Variants in JAZF1 observed in about 807,000 individuals in gnomAD.
JAZF1 encodes JAZF zinc finger 1, also known as juxtaposed with another zinc finger protein 1.
In JAZF1, 8 loss-of-function variants were observed where a neutral mutation model predicts 26.4. The ratio of observed to expected loss-of-function variants is 0.30; its 90% CI spans 0.18 to 0.55. The LOEUF (loss-of-function observed/expected upper bound fraction) is 0.55. Among genes scored for constraint, JAZF1 ranks in the 20% least tolerant of loss-of-function variants. The pLI is 0.94. For missense variants in JAZF1, 199 were observed against 322.0 expected, an observed-to-expected ratio of 0.62 and a Z score of 2.92; for synonymous variants, 126 against 122.3, an observed-to-expected ratio of 1.03 and a Z score of -0.20.
chr7:27,903,040 A>C (rs1323851891), intron 2 of JAZF1, among the ~76,000 whole-genome samples: 3 of 142,482 alleles, frequency 2.1e-5, no homozygotes, highest in African/African-American at 7.7e-5. Context: ...AAAAAAAAAG[A>C]AGTGACTAAC....
chr7:27,915,735 A>T (rs1313401552), intron 2 of JAZF1, among the ~76,000 whole-genome samples: 1 of 152,258 alleles, frequency 6.6e-6, no homozygotes, highest in African/African-American at 2.4e-5. Flanking sequence ...GTAATTGAGT[A>T]ATGAATAATG....
intron 2 of JAZF1, among the ~76,000 whole-genome samples, chr7:27,981,878 A>G (rs1033159373): frequency 8.5e-5 from 13 of 152,216 alleles, no homozygotes; most frequent in African/African-American, 3.1e-4. Context: ...ACTTGATTCA[A>G]GTTCTCTGGT....
intron 1 of JAZF1, among the ~76,000 whole-genome samples, chr7:28,049,072 C>T (rs1422066443): frequency 8.8e-6 from 1 of 113,566 alleles, no homozygotes; most frequent in Non-Finnish European, 1.7e-5. Context: ...TCCCTCCCTT[C>T]CTCTCTCTCT....
chr7:28,096,155 G>A (rs554829511), intron 1 of JAZF1, among the ~76,000 whole-genome samples: 3 of 152,372 alleles, frequency 2.0e-5, no homozygotes, highest in South Asian at 2.1e-4. Context: ...CTGAGAGGGA[G>A]GCCACTGAAG....
intron 1 of JAZF1, among the ~76,000 whole-genome samples, chr7:28,110,426 AAAAAG>A (rs1214004693): frequency 6.7e-6 from 1 of 148,156 alleles, no homozygotes; most frequent in African/African-American, 2.5e-5. Context: ...ACTCCATCAA[AAAAAG>A]AAAAAAGAGA....
At chr7:28,115,609 A>G (rs1448413075) in intron 1 of JAZF1, among the ~76,000 whole-genome samples, 1 of 152,252 alleles carries the variant, frequency 6.6e-6, no homozygotes, top group Non-Finnish European at 1.5e-5. Flanking sequence ...GCACTGAAAT[A>G]CAACTGTAAA....
chr7:28,020,019 C>T (rs1198608808), intron 1 of JAZF1, among the ~76,000 whole-genome samples: 1 of 152,100 alleles, frequency 6.6e-6, no homozygotes, highest in African/African-American at 2.4e-5. Context: ...CACAGAAATG[C>T]CTCAACAGAC....
intron 1 of JAZF1, among the ~76,000 whole-genome samples, chr7:28,041,139 G>GT (rs1783383497): frequency 6.6e-6 from 1 of 152,138 alleles, no homozygotes; most frequent in Non-Finnish European, 1.5e-5. Flanking sequence ...TTTGGAGAAC[G>GT]TAAGAGCAAA....
chr7:27,979,405 T>TTTC (rs1368873651), intron 2 of JAZF1, among the ~76,000 whole-genome samples: 1 of 84,190 alleles, frequency 1.2e-5, no homozygotes, highest in African/African-American at 4.8e-5. Context: ...TTTTTTTTTT[T>TTTC]AGAAACAGAG....
intron 1 of JAZF1, among the ~76,000 whole-genome samples, chr7:28,009,263 T>C (rs543058929): frequency 4.5e-4 from 68 of 151,900 alleles, no homozygotes; most frequent in African/African-American, 1.6e-3. Flanking sequence ...AGGTAGTTGC[T>C]GAGTATCTAC....
intron 1 of JAZF1, among the ~76,000 whole-genome samples, chr7:28,007,905 G>A (rs924228177): frequency 3.8e-4 from 57 of 151,860 alleles, no homozygotes; most frequent in African/African-American, 1.4e-3. Context: ...TTTTTTCCTC[G>A]CTAAAAAGTG....
At chr7:27,833,810 A>G (rs993102853) in intron 4 of JAZF1, among the ~76,000 whole-genome samples, 2 of 152,208 alleles carry the variant, frequency 1.3e-5, no homozygotes, top group African/African-American at 4.8e-5. Context: ...ATTCTATGTA[A>G]GAGTCACTCT....
chr7:28,173,611 T>C (rs1380965899), intron 1 of JAZF1, among the ~76,000 whole-genome samples: 3 of 152,122 alleles, frequency 2.0e-5, no homozygotes, highest in Non-Finnish European at 4.4e-5. Context: ...ATCCAGATCA[T>C]GTCCCTTCAA....
chr7:28,021,308 A>G (rs1452811357), intron 1 of JAZF1, among the ~76,000 whole-genome samples: 1 of 152,232 alleles, frequency 6.6e-6, no homozygotes, highest in African/African-American at 2.4e-5. Flanking sequence ...CACAGGCCTT[A>G]GGAATCAGAC....
At chr7:27,984,166 A>C (rs115995087) in intron 2 of JAZF1, among the ~76,000 whole-genome samples, 1 of 152,352 alleles carries the variant, frequency 6.6e-6, no homozygotes, top group African/African-American at 2.4e-5. Context: ...AAATTGGATT[A>C]AAAGTCAAGA....
rs1264962282 is a variant in JAZF1, at chr7:28,026,537, C to T, written c.116-34556G>A. Among the ~76,000 whole-genome samples the T allele has an allele frequency of 4.6e-5, 7 of 152,242 alleles. No individual in the cohort carries two copies. The South Asian group carries it at 8.3e-4, about 18-fold the overall frequency. On this transcript the variant is annotated intron_variant, in intron 1 of 4. Transcript: ENST00000283928. ...CTCCGGGTGACTGCAATGCTTCTAA[C>T]GTATGTACAAAATGAATGTTGAAAA...
intron 1 of JAZF1, among the ~76,000 whole-genome samples, chr7:28,022,725 A>G (rs550523660): frequency 3.7e-3 from 356 of 95,662 alleles, no homozygotes; most frequent in Non-Finnish European, 6.2e-3. Context: ...ATACCTGAAG[A>G]TTTTCTTTAA....
intron 2 of JAZF1, among the ~76,000 whole-genome samples, chr7:27,975,699 T>A (rs1282593290): frequency 6.6e-5 from 10 of 152,208 alleles, no homozygotes; most frequent in African/African-American, 2.4e-4. Context: ...TCTACTGACC[T>A]GTGATAAGTT....
chr7:28,011,745 C>T (rs1020946477), intron 1 of JAZF1, among the ~76,000 whole-genome samples: 3 of 152,102 alleles, frequency 2.0e-5, no homozygotes, highest in African/African-American at 7.2e-5. Context: ...AGAGCATGGG[C>T]CCTCATAAAA....
Sources: gnomAD v4.1 joint callset for allele counts (sites outside exome capture counted in the v4.1 genomes callset) on GRCh38, gnomAD v4.1.1 for gene constraint, MANE v1.5 for transcripts, NCBI Gene and HGNC (gene_info 2026-07-23, HGNC 2026-07-21) for gene names.